Variants in RNF24 observed in about 807,000 individuals in gnomAD.
RNF24 encodes ring finger protein 24.
A neutral mutation model predicts 20.0 loss-of-function variants in RNF24; 14 were observed. That is an observed-to-expected ratio of 0.70 (90% CI 0.46 to 1.10). The LOEUF (loss-of-function observed/expected upper bound fraction) is 1.10, where lower values mean the gene tolerates loss of function less well. RNF24 is among the 50% of genes least tolerant of loss of function. The pLI is 0.00. For synonymous variants in RNF24, 45 were observed against 61.1 expected, an observed-to-expected ratio of 0.74 and a Z score of 1.23; for missense variants, 124 against 177.6, an observed-to-expected ratio of 0.70 and a Z score of 1.71.
intron 4 of RNF24, among the ~76,000 whole-genome samples, chr20:3,943,167 CAACT>C (rs1294399019): frequency 1.3e-5 from 2 of 152,134 alleles, no homozygotes; most frequent in African/African-American, 4.8e-5. Flanking sequence ...AATGTGTATA[CAACT>C]AACAACAGAG....
chr20:3,972,975 G>T (rs1978500491), intron 1 of RNF24, among the ~76,000 whole-genome samples: 1 of 151,992 alleles, frequency 6.6e-6, no homozygotes, highest in South Asian at 2.1e-4. Flanking sequence ...GGCCGAGGCG[G>T]GTGGATCACA....
intron 3 of RNF24, 38 bp downstream of exon 3, chr20:3,948,197 GAA>G (rs111948308): frequency 9.2e-6 from 12 of 1,309,468 alleles, no homozygotes; most frequent in African/African-American, 3.0e-5. Flanking sequence ...TTTTTGGGGG[GAA>G]AAAAAAAATC....
intron 1 of RNF24, among the ~76,000 whole-genome samples, chr20:3,990,418 T>G (rs1980332673): frequency 6.6e-6 from 1 of 152,246 alleles, no homozygotes; most frequent in Non-Finnish European, 1.5e-5. Flanking sequence ...ATCTTTCAGA[T>G]GTACTTGCAT....
Position 3,929,778 on chromosome 20 carries a change from C to T in RNF24, c.*4285G>A, listed in dbSNP as rs2090793966. 6.6e-6 allele frequency: 1 copy of T among 152,242 alleles called. No individual in the cohort carries two copies. The highest frequency in any genetic ancestry group is 2.4e-5 in the African/African-American group (1 of 41,466). 9.4% of individuals were successfully genotyped at this position (152,242 alleles called of 1,614,324 possible). On this transcript the variant is annotated 3_prime_UTR_variant, in exon 6 of 6. Coordinates refer to ENST00000358395, the MANE Select transcript of RNF24 (RefSeq NM_001134337.3). ...AGTCAATCAGAAAAATCTGGTTGTG[C>T]TCTTGGATTAGCTGGGCATTTGGGG...
In RNF24 at chr20:3,962,118, T is replaced by A. The variant is rs1277197771; in HGVS notation, c.143+1757A>T. On this transcript the variant is annotated intron_variant, in intron 2 of 5. Transcript: ENST00000358395. The stretch of plus-strand genomic sequence containing the variant: ...CTGTAATCCCAGCACTTTGGGAGGT[T>A]GAGGCGGGTGGATTGCTTGAACTCA... Among the ~76,000 whole-genome samples, 5 of 152,134 alleles carry A rather than the reference T, an allele frequency of 3.3e-5. 1 individual carries two copies. The highest frequency in any genetic ancestry group is 7.4e-5 in the Non-Finnish European group (5 of 68,024).
chr20:3,951,006 A>G (rs568461348), intron 2 of RNF24, among the ~76,000 whole-genome samples: 1 of 152,248 alleles, frequency 6.6e-6, no homozygotes, highest in African/African-American at 2.4e-5. Flanking sequence ...CCCAGGCTGG[A>G]GTGCAGTGGC....
At chr20:4,002,848 G>A (rs1159419406) in intron 1 of RNF24, among the ~76,000 whole-genome samples, 2 of 152,220 alleles carry the variant, frequency 1.3e-5, no homozygotes, top group African/African-American at 2.4e-5. Flanking sequence ...ACTGTGTCAC[G>A]CTTTTATATA....
chr20:3,972,774 G>C (rs1448266224), intron 1 of RNF24, among the ~76,000 whole-genome samples: 3 of 151,984 alleles, frequency 2.0e-5, no homozygotes, highest in Non-Finnish European at 4.4e-5. Context: ...GTGGTGGCAC[G>C]CACCTGTAGT....
At chr20:3,987,039 T>C (rs879861641) in intron 1 of RNF24, among the ~76,000 whole-genome samples, 4 of 152,206 alleles carry the variant, frequency 2.6e-5, no homozygotes, top group African/African-American at 4.8e-5. Context: ...TCCTAAAGCA[T>C]TGGGATTACA....
intron 1 of RNF24, among the ~76,000 whole-genome samples, chr20:4,013,103 T>A (rs991234464): frequency 6.6e-6 from 1 of 152,168 alleles, no homozygotes; most frequent in Non-Finnish European, 1.5e-5. Flanking sequence ...TTTATTTAAA[T>A]CATGCATTAA....
intron 2 of RNF24, among the ~76,000 whole-genome samples, chr20:3,958,403 CAG>C (rs1201179286): frequency 6.6e-6 from 1 of 152,182 alleles, no homozygotes; most frequent in Non-Finnish European, 1.5e-5. Flanking sequence ...TCTTCAAAGA[CAG>C]AGTTATATTC....
intron 3 of RNF24, 151 bp downstream of exon 3, chr20:3,948,086 A>C (rs1412093396): frequency 8.4e-6 from 5 of 595,974 alleles, no homozygotes; most frequent in Non-Finnish European, 1.5e-5. Flanking sequence ...TAAGAAAATG[A>C]AGTTGATATA....
At chr20:3,939,258 G>T (rs925461100) in intron 4 of RNF24, among the ~76,000 whole-genome samples, 1 of 152,172 alleles carries the variant, frequency 6.6e-6, no homozygotes. Context: ...CCCCTGAGGA[G>T]CTGGGATTAC....
intron 1 of RNF24, among the ~76,000 whole-genome samples, chr20:3,966,417 G>A (rs2091258449): frequency 6.7e-6 from 1 of 149,696 alleles, no homozygotes; most frequent in Admixed American, 6.7e-5. Flanking sequence ...AAATGAGATA[G>A]CAGATAATGA....
At chr20:3,967,973 C>CAAAAAAAAAAAAAAAA (rs58984163) in intron 1 of RNF24, among the ~76,000 whole-genome samples, 5 of 77,180 alleles carry the variant, frequency 6.5e-5, no homozygotes, top group Admixed American at 1.5e-4. Context: ...AGCCTGGCAA[C>CAAAAAAAAAAAAAAAA]AAAAAAAAAA....
chr20:3,973,196 G>C (rs1187435547), intron 1 of RNF24, among the ~76,000 whole-genome samples: 1 of 150,602 alleles, frequency 6.6e-6, no homozygotes, highest in Non-Finnish European at 1.5e-5. Flanking sequence ...CACGCGAAAC[G>C]CCATCTCAAA....
chr20:3,977,830 C>G (rs992071372), intron 1 of RNF24, among the ~76,000 whole-genome samples: 2 of 147,692 alleles, frequency 1.4e-5, no homozygotes, highest in Non-Finnish European at 3.0e-5. Context: ...CGCCACTGCA[C>G]TCCAGCCTGG....
At chr20:3,980,455 G>A (rs917906507) in intron 1 of RNF24, among the ~76,000 whole-genome samples, 2 of 152,182 alleles carry the variant, frequency 1.3e-5, no homozygotes, top group African/African-American at 4.8e-5. Flanking sequence ...GAGATGCAGT[G>A]AGCACGACAG....
At chr20:3,996,382 C>G (rs1980865729) in intron 1 of RNF24, among the ~76,000 whole-genome samples, 2 of 152,064 alleles carry the variant, frequency 1.3e-5, no homozygotes, top group South Asian at 4.1e-4. Context: ...GAGATCGGAT[C>G]TTGTATATTA....
Sources: allele counts gnomAD v4.1 joint callset (sites outside exome capture counted in the v4.1 genomes callset), GRCh38; gene constraint gnomAD v4.1.1; transcripts MANE v1.5; gene names NCBI Gene and HGNC (gene_info 2026-07-23, HGNC 2026-07-21).